Variants in BIK observed in about 807,000 individuals in gnomAD.
The protein encoded by BIK is bcl-2-interacting killer.
In BIK, 14 loss-of-function variants were observed where a neutral mutation model predicts 12.1. The observed-to-expected ratio is 1.16, with a 90% CI of 0.77 to 1.81. The LOEUF (loss-of-function observed/expected upper bound fraction) is 1.81, where lower values mean the gene tolerates loss of function less well. Among genes scored for constraint, BIK ranks in the 40% most tolerant of loss-of-function variants. The probability of loss-of-function intolerance (pLI) is 0.00; values close to 1 mark genes in which losing one functional copy is unlikely to be tolerated. For missense variants in BIK, 215 were observed against 207.9 expected, an observed-to-expected ratio of 1.03 and a Z score of -0.21; for synonymous variants, 86 against 92.3, an observed-to-expected ratio of 0.93 and a Z score of 0.39.
Position 43,129,668 on chromosome 22 carries a change from G to C in BIK, c.*363G>C. ...CCTCGGCAAAGAATCTACTGGAATA[G>C]ATTCCGAGGAGCAGGAGTGCTCAAT... On this transcript the variant is annotated 3_prime_UTR_variant, in exon 5 of 5. Coordinates refer to ENST00000216115, the MANE Select transcript of BIK (RefSeq NM_001197.5). The C allele has an allele frequency of 3.6e-6, 1 of 281,366 alleles. No homozygotes were observed. The highest frequency in any genetic ancestry group is 6.7e-6 in the Non-Finnish European group (1 of 149,920). 17.4% of individuals were successfully genotyped at this position (281,366 alleles called of 1,614,324 possible).
intron 1 of BIK, among the ~76,000 whole-genome samples, chr22:43,113,894 CT>C (rs1182825567): frequency 6.6e-6 from 1 of 152,220 alleles, no homozygotes; most frequent in Admixed American, 6.5e-5. Context: ...ACCAGTCTTA[CT>C]GTTGGTGGTC....
intron 1 of BIK, among the ~76,000 whole-genome samples, chr22:43,111,097 G>C (rs1930001147): frequency 6.6e-6 from 1 of 151,990 alleles, no homozygotes; most frequent in South Asian, 2.1e-4. Context: ...TCGCCGCGAC[G>C]GCTGGACGCC....
chr22:43,122,447 C>A, intron 1 of BIK, among the ~76,000 whole-genome samples: 1 of 152,266 alleles, frequency 6.6e-6, no homozygotes, highest in East Asian at 1.9e-4. Context: ...ACCATGAAAC[C>A]CATTTCACAG....
chr22:43,127,201 C>T (rs1488285750), intron 2 of BIK, among the ~76,000 whole-genome samples: 1 of 152,070 alleles, frequency 6.6e-6, no homozygotes, highest in Non-Finnish European at 1.5e-5. Flanking sequence ...GTGGTGCCAG[C>T]AGGGCTGGTT....
Position 43,129,256 on chromosome 22 carries a change from C to CACT in BIK, c.434_435insACT (p.Leu148dup). On this transcript the variant is annotated inframe_insertion, in exon 5 of 5. Coordinates refer to ENST00000216115, the MANE Select transcript of BIK (RefSeq NM_001197.5). ...CTGCTGGCGCTGCTGCTGCTGCTGG[C>CACT]GCTGCTGCTGCCGCTGCTCAGCGGG... The CACT allele has an allele frequency of 6.3e-7, 1 of 1,593,278 alleles. No homozygotes were observed. The highest frequency in any genetic ancestry group is 2.2e-5 in the East Asian group (1 of 44,784).
At chr22:43,113,064 C>T (rs997859845) in intron 1 of BIK, among the ~76,000 whole-genome samples, 3 of 151,720 alleles carry the variant, frequency 2.0e-5, no homozygotes, top group South Asian at 2.1e-4. Flanking sequence ...ATTAGCCGGT[C>T]GTGGTGGCGT....
intron 1 of BIK, among the ~76,000 whole-genome samples, chr22:43,116,981 G>T (rs986288036): frequency 6.6e-6 from 1 of 152,146 alleles, no homozygotes; most frequent in Non-Finnish European, 1.5e-5. Flanking sequence ...GGGGAATCTT[G>T]GGGGGAGCTG....
At chr22:43,117,358 A>AT (rs201363308) in intron 1 of BIK, among the ~76,000 whole-genome samples, 3,830 of 141,456 alleles carry the variant, frequency 0.027, 170 homozygotes, top group African/African-American at 0.094. Context: ...CATACTACGG[A>AT]TTTTTTTTTT....
intron 1 of BIK, among the ~76,000 whole-genome samples, chr22:43,123,110 G>C (rs963645267): frequency 1.3e-5 from 2 of 152,222 alleles, no homozygotes; most frequent in African/African-American, 4.8e-5. Flanking sequence ...CAGTAAAGAA[G>C]GCTGTAAGAC....
chr22:43,113,465 T>C (rs943104396), intron 1 of BIK, among the ~76,000 whole-genome samples: 5 of 152,008 alleles, frequency 3.3e-5, no homozygotes, highest in Non-Finnish European at 7.4e-5. Context: ...GGCGGGAGAA[T>C]TGCTTGAACC....
Position 43,129,244 on chromosome 22 carries a change from T to TGCTGCTGCTGGC in BIK, c.433_444dup (p.Ala145_Leu148dup), listed in dbSNP as rs762326871. On this transcript the variant is annotated inframe_insertion, in exon 5 of 5. Coordinates refer to ENST00000216115, the MANE Select transcript of BIK (RefSeq NM_001197.5). ...TGCGAACAGGTGCTGCTGGCGCTGC[T>TGCTGCTGCTGGC]GCTGCTGCTGGCGCTGCTGCTGCCG... 2.1e-5 allele frequency: 33 copies of TGCTGCTGCTGGC among 1,584,008 alleles called. No individual in the cohort carries two copies. The highest frequency in any genetic ancestry group is 1.8e-4 in the East Asian group (8 of 44,706).
chr22:43,115,120 A>G (rs1165834009), intron 1 of BIK, among the ~76,000 whole-genome samples: 1 of 152,208 alleles, frequency 6.6e-6, no homozygotes, highest in Non-Finnish European at 1.5e-5. Flanking sequence ...GTAAACATTT[A>G]ACGAGACCTT....
chr22:43,123,313 G>A (rs1165981132), intron 1 of BIK, among the ~76,000 whole-genome samples: 1 of 152,182 alleles, frequency 6.6e-6, no homozygotes, highest in Non-Finnish European at 1.5e-5. Flanking sequence ...TCTGTTAAGT[G>A]GTACAGAGGA....
intron 1 of BIK, among the ~76,000 whole-genome samples, chr22:43,113,249 G>C (rs943136901): frequency 1.3e-5 from 2 of 152,154 alleles, no homozygotes; most frequent in African/African-American, 4.8e-5. Flanking sequence ...CCCAGTGTCT[G>C]TTACAGCTTG....
chr22:43,129,292 T>C lies in BIK; in HGVS notation c.470T>C (p.Leu157Pro), dbSNP rs770706686. 1.9e-6 allele frequency: 3 copies of C among 1,600,148 alleles called. No individual in the cohort carries two copies. Among genetic ancestry groups the C allele is most frequent in the Non-Finnish European group, 1.7e-6 (2 of 1,179,374 alleles). Reference protein sequence around the residue: ...LLPLLSGGLHLLLK With the variant: ...LLPLLSGGLHPLLK ...CCGCTGCTCAGCGGGGGCCTGCACC[T>C]GCTGCTCAAGTGAGGCCCCGGCGGC... is the stretch of plus-strand genomic sequence containing the variant. The change falls in exon 5 of 5, where the codon CTG becomes CCG. Residue 157 changes from leucine to proline, a missense_variant. By Grantham distance (98) the Leu-to-Pro change is moderately conservative. Transcript: ENST00000216115.
At chr22:43,113,957 C>G (rs1008676408) in intron 1 of BIK, among the ~76,000 whole-genome samples, 3 of 152,148 alleles carry the variant, frequency 2.0e-5, no homozygotes, top group Non-Finnish European at 4.4e-5. Context: ...CACTTCCTAG[C>G]CTCCCTTTGT....
At chr22:43,111,084 G>A in intron 1 of BIK, among the ~76,000 whole-genome samples, 1 of 151,922 alleles carries the variant, frequency 6.6e-6, no homozygotes, top group Admixed American at 6.5e-5. Context: ...GTCCCTCTGC[G>A]TCTCGCCGCG....
At chr22:43,124,208 C>A in intron 2 of BIK, 25 bp downstream of exon 2, 3 of 1,611,536 alleles carry the variant, frequency 1.9e-6, no homozygotes, top group Non-Finnish European at 1.7e-6. Context: ...CCTGCCCTAC[C>A]CCCTGCCTGA....
At chr22:43,128,154 C>A (rs536315009) in intron 3 of BIK, among the ~76,000 whole-genome samples, 91 of 151,780 alleles carry the variant, frequency 6.0e-4, no homozygotes, top group African/African-American at 2.2e-3. Context: ...CTCAGCGAGT[C>A]TCCGGTGGGG....
Sources: allele counts gnomAD v4.1 joint callset (sites outside exome capture counted in the v4.1 genomes callset), GRCh38; gene constraint gnomAD v4.1.1; transcripts MANE v1.5; gene names NCBI Gene and HGNC (gene_info 2026-07-23, HGNC 2026-07-21).